The following PTPRR variants were observed in gnomAD, a reference collection of about 807,000 sequenced individuals.
PTPRR encodes the protein receptor-type tyrosine-protein phosphatase R.
A neutral mutation model predicts 77.2 loss-of-function variants in PTPRR; 38 were observed. The observed-to-expected ratio is 0.49, with a 90% confidence interval of 0.38 to 0.65. The LOEUF (loss-of-function observed/expected upper bound fraction) is 0.65. PTPRR is among the 30% of genes least tolerant of loss of function. The pLI is 0.00. For missense variants in PTPRR, 744 were observed against 799.2 expected (o/e 0.93, Z 0.83); for synonymous variants, 299 against 283.1 (o/e 1.06, Z -0.57).
intron 13 of PTPRR, among the ~76,000 whole-genome samples, chr12:70,642,125 T>A (rs2136637762): frequency 6.6e-6 from 1 of 152,220 alleles, no homozygotes; most frequent in East Asian, 1.9e-4. Context: ...AATAGATCTG[T>A]GTTTGCAGGT....
chr12:70,784,481 C>T (rs1891278546), intron 2 of PTPRR, among the ~76,000 whole-genome samples: 1 of 152,168 alleles, frequency 6.6e-6, no homozygotes, highest in Non-Finnish European at 1.5e-5. Flanking sequence ...AGCTCAGGGG[C>T]TAGCCAGAGC....
chr12:70,798,448 A>G (rs1299480343), intron 2 of PTPRR, among the ~76,000 whole-genome samples: 1 of 152,214 alleles, frequency 6.6e-6, no homozygotes, highest in Non-Finnish European at 1.5e-5. Context: ...TATTCAGTGC[A>G]GAAACTCTTT....
intron 6 of PTPRR, among the ~76,000 whole-genome samples, chr12:70,742,857 G>A (rs953005008): frequency 1.8e-4 from 28 of 152,252 alleles, no homozygotes; most frequent in African/African-American, 6.3e-4. Context: ...ACACGGAGAA[G>A]CTGAGGATAT....
At chr12:70,915,230 C>G (rs757386604) in intron 1 of PTPRR, among the ~76,000 whole-genome samples, 1 of 152,142 alleles carries the variant, frequency 6.6e-6, no homozygotes, top group Non-Finnish European at 1.5e-5. Context: ...CAAGAACATA[C>G]ATTACAATAA....
intron 2 of PTPRR, among the ~76,000 whole-genome samples, chr12:70,889,314 A>G (rs1320255542): frequency 6.6e-6 from 1 of 152,338 alleles, no homozygotes; most frequent in African/African-American, 2.4e-5. Context: ...ACAGTGGCAA[A>G]GCAATGAGAA....
At chr12:70,799,796 A>G (rs7303153) in intron 2 of PTPRR, among the ~76,000 whole-genome samples, 2,223 of 152,290 alleles carry the variant, frequency 0.015, 60 homozygotes, top group African/African-American at 0.05. Flanking sequence ...TACAGCATCC[A>G]CAATAATCCA....
At chr12:70,731,225 G>C (rs1292754467) in intron 6 of PTPRR, among the ~76,000 whole-genome samples, 1 of 152,094 alleles carries the variant, frequency 6.6e-6, no homozygotes, top group Non-Finnish European at 1.5e-5. Context: ...TAAACCATTG[G>C]TCAAGATTAT....
chr12:70,881,712 CAA>C (rs1316815710), intron 2 of PTPRR, among the ~76,000 whole-genome samples: 1 of 152,108 alleles, frequency 6.6e-6, no homozygotes, highest in Non-Finnish European at 1.5e-5. Flanking sequence ...CCTTCAAAAA[CAA>C]AATTTAGAAA....
intron 2 of PTPRR, among the ~76,000 whole-genome samples, chr12:70,842,543 C>G (rs1435481701): frequency 6.6e-6 from 1 of 152,200 alleles, no homozygotes; most frequent in Non-Finnish European, 1.5e-5. Context: ...TGTTCTTTGC[C>G]TCTTCCAACT....
intron 4 of PTPRR, among the ~76,000 whole-genome samples, chr12:70,759,303 G>A (rs2136957793): frequency 6.6e-6 from 1 of 152,186 alleles, no homozygotes; most frequent in Middle Eastern, 3.4e-3. Context: ...AGGCAATGAA[G>A]ACACAGATCA....
Position 70,701,902 on chromosome 12 carries a change from G to C in PTPRR, c.1008-579C>G, listed in dbSNP as rs977562097. ...GTGAGAGAATCATTTGAGCCCGGGG[G>C]GTTGAGGCTGCAGTGAGCCGTGATG... On this transcript the variant is annotated intron_variant, in intron 6 of 13. Coordinates refer to ENST00000283228, the MANE Select transcript of PTPRR (RefSeq NM_002849.4). Among the ~76,000 whole-genome samples the C allele has an allele frequency of 7.2e-5, 11 of 152,140 alleles. 1 individual carries two copies. Among genetic ancestry groups the C allele is most frequent in the African/African-American group, 2.2e-4 (9 of 41,424 alleles).
intron 2 of PTPRR, among the ~76,000 whole-genome samples, chr12:70,787,572 A>G (rs1022075467): frequency 6.6e-6 from 1 of 151,686 alleles, no homozygotes; most frequent in Non-Finnish European, 1.5e-5. Flanking sequence ...CACTAAAAAA[A>G]CTTTCCTTTC....
intron 2 of PTPRR, among the ~76,000 whole-genome samples, chr12:70,810,275 A>G (rs1167129241): frequency 6.6e-6 from 1 of 152,222 alleles, no homozygotes; most frequent in Non-Finnish European, 1.5e-5. Context: ...GATTCAAAGC[A>G]CATACAGTCC....
chr12:70,722,565 G>A (rs781186025), intron 6 of PTPRR, among the ~76,000 whole-genome samples: 7 of 152,060 alleles, frequency 4.6e-5, no homozygotes, highest in African/African-American at 9.7e-5. Context: ...GAGGTCATCC[G>A]GCTTGACTTT....
intron 8 of PTPRR, among the ~76,000 whole-genome samples, chr12:70,696,027 T>C (rs1472732606): frequency 1.3e-5 from 2 of 152,184 alleles, no homozygotes; most frequent in Non-Finnish European, 2.9e-5. Flanking sequence ...ATTAATGAAC[T>C]AAATTATGAA....
intron 10 of PTPRR, chr12:70,672,984 G>T: frequency 7.6e-7 from 1 of 1,314,288 alleles, no homozygotes. Context: ...CTTCTAGGTA[G>T]AAGGGAGAAG....
chr12:70,665,967 G>A (rs1416850763), intron 10 of PTPRR, among the ~76,000 whole-genome samples: 2 of 152,080 alleles, frequency 1.3e-5, no homozygotes, highest in African/African-American at 2.4e-5. Flanking sequence ...GATAGAATGG[G>A]TCAGGTTGTC....
chr12:70,697,355 T>C (rs1315589870), intron 8 of PTPRR, among the ~76,000 whole-genome samples: 1 of 152,200 alleles, frequency 6.6e-6, no homozygotes, highest in Non-Finnish European at 1.5e-5. Context: ...GTTGGTCATT[T>C]GTACATCTTC....
chr12:70,812,147 G>C (rs1891819639), intron 2 of PTPRR, among the ~76,000 whole-genome samples: 1 of 151,946 alleles, frequency 6.6e-6, no homozygotes, highest in African/African-American at 2.4e-5. Context: ...TTTTAGATTA[G>C]AAAAAATTAG....
Sources: gnomAD v4.1 joint callset for allele counts (sites outside exome capture counted in the v4.1 genomes callset) on GRCh38, gnomAD v4.1.1 for gene constraint, MANE v1.5 for transcripts, NCBI Gene and HGNC (gene_info 2026-07-23, HGNC 2026-07-21) for gene names.